SCYL3: variants seen among roughly 807,000 people sequenced by gnomAD.
The protein encoded by SCYL3 is SCY1 like pseudokinase 3.
In SCYL3, 35 loss-of-function variants were observed where a neutral mutation model predicts 73.8. The ratio of observed to expected loss-of-function variants is 0.47; its 90% CI spans 0.36 to 0.63. The LOEUF (loss-of-function observed/expected upper bound fraction) is 0.63, where lower values mean the gene tolerates loss of function less well. Ranked by LOEUF, SCYL3 falls within the 20% of genes least tolerant of loss-of-function variation. The pLI is 0.00. For missense variants in SCYL3, 712 were observed against 798.9 expected (o/e 0.89, Z 1.31); for synonymous variants, 277 against 295.2 (o/e 0.94, Z 0.63).
chr1:169,873,902 T>C (rs1202153490), intron 4 of SCYL3, 150 bp from the exon 5 acceptor site: 6 of 591,398 alleles, frequency 1.0e-5, no homozygotes, highest in Non-Finnish European at 1.5e-5. Flanking sequence ...AAATTTAAAA[T>C]GCTTCTAATT....
chr1:169,862,584 A>G (rs1010223442), intron 10 of SCYL3, 29 bp downstream of exon 10: 4 of 1,611,844 alleles, frequency 2.5e-6, no homozygotes, highest in Non-Finnish European at 3.4e-6. Flanking sequence ...AGGTTCTGTG[A>G]CTACCCCACT....
At position 169,851,987 on chromosome 1, in the gene SCYL3, C is replaced by T; in HGVS notation, c.*1726G>A. Reference sequence around the variant, plus strand: ...AAACTTTAACAAGGCAAATTCTGCCCTTTTTACTTACTGACGAAACAAACC... The same window carrying T: ...AAACTTTAACAAGGCAAATTCTGCCTTTTTTACTTACTGACGAAACAAACC... On this transcript the variant is annotated 3_prime_UTR_variant, in exon 13 of 13. Coordinates refer to ENST00000367771, the MANE Select transcript of SCYL3 (RefSeq NM_020423.7). 1 of 1,612,906 alleles carries T rather than the reference C, an allele frequency of 6.2e-7. No individual in the cohort carries two copies. The highest frequency in any genetic ancestry group is 1.1e-5 in the South Asian group (1 of 90,924).
Position 169,873,762 on chromosome 1 carries a change from G to A in SCYL3, c.466-10C>T, listed in dbSNP as rs1571424332. On this transcript the variant is annotated splice_polypyrimidine_tract_variant and intron_variant, in intron 4 of 12. Transcript: ENST00000367771. ...GAATACTCCTCAGAAACTAGACAGA[G>A]AAATAAATTAAAGAAAATGATTCAT... 6.3e-7 allele frequency: 1 copy of A among 1,586,880 alleles called. No homozygotes were observed. The highest frequency in any genetic ancestry group is 8.6e-7 in the Non-Finnish European group (1 of 1,157,154).
intron 6 of SCYL3, among the ~76,000 whole-genome samples, chr1:169,870,054 A>C (rs1236846815): frequency 6.6e-6 from 1 of 152,210 alleles, no homozygotes; most frequent in African/African-American, 2.4e-5. Context: ...TTCCTACTTA[A>C]AATTCTTTTC....
At chr1:169,869,945 G>A (rs573006096) in intron 6 of SCYL3, among the ~76,000 whole-genome samples, 24 of 152,086 alleles carry the variant, frequency 1.6e-4, no homozygotes, top group Admixed American at 3.9e-4. Context: ...CTTATTGGCC[G>A]GTTCAATAAG....
chr1:169,886,473 G>T (rs1325470694), intron 2 of SCYL3, among the ~76,000 whole-genome samples: 2 of 152,092 alleles, frequency 1.3e-5, no homozygotes, highest in East Asian at 3.9e-4. Context: ...ATTCATTATG[G>T]GGAAGAGCAT....
intron 11 of SCYL3, 129 bp downstream of exon 11, chr1:169,858,912 G>C: frequency 8.0e-6 from 6 of 754,204 alleles, no homozygotes; most frequent in East Asian, 3.2e-5. Context: ...AGTTCAGAAA[G>C]AGAAATTAAC....
At position 169,850,427 on chromosome 1, in the gene SCYL3, T is replaced by G. The variant is rs1657978920; in HGVS notation, c.*3286A>C. On this transcript the variant is annotated 3_prime_UTR_variant, in exon 13 of 13. Coordinates refer to ENST00000367771, the MANE Select transcript of SCYL3 (RefSeq NM_020423.7). ...ATTATGTAACTGTAACCAACCTGAG[T>G]GTCTTCTTAGCTTAAACTTTTCACA... 1.1e-6 allele frequency: 1 copy of G among 914,228 alleles called. No homozygotes were observed. Among genetic ancestry groups the G allele is most frequent in the Non-Finnish European group, 1.7e-6 (1 of 582,828 alleles). The allele number at this position is 914,228 out of a possible 1,614,324, so 56.6% of individuals were successfully genotyped here. A position where few individuals can be genotyped will look rare whatever the true frequency, so the allele number is the denominator to read the frequency against.
chr1:169,882,082 G>C (rs1228819542), intron 2 of SCYL3, among the ~76,000 whole-genome samples: 1 of 152,190 alleles, frequency 6.6e-6, no homozygotes, highest in African/African-American at 2.4e-5. Context: ...GCCGGAGCCG[G>C]TTCCCTCAGC....
chr1:169,853,995 A>G, intron 12 of SCYL3: 2 of 612,810 alleles, frequency 3.3e-6, no homozygotes, highest in Non-Finnish European at 5.6e-6. Context: ...ATCCAGTAAA[A>G]ATCAGTGTGG....
intron 2 of SCYL3, among the ~76,000 whole-genome samples, chr1:169,884,087 T>A (rs1350391777): frequency 2.6e-5 from 4 of 152,102 alleles, no homozygotes; most frequent in African/African-American, 9.7e-5. Context: ...TCCAATAGGG[T>A]TTATTTATTT....
At chr1:169,854,222 G>T in intron 12 of SCYL3, 48 bp downstream of exon 12, 1 of 1,420,792 alleles carries the variant, frequency 7.0e-7, no homozygotes, top group Non-Finnish European at 9.5e-7. Flanking sequence ...GGACCTATGA[G>T]GGAAATCCTA....
At chr1:169,889,712 G>T (rs906343102) in intron 1 of SCYL3, among the ~76,000 whole-genome samples, 3 of 152,232 alleles carry the variant, frequency 2.0e-5, no homozygotes, top group Non-Finnish European at 4.4e-5. Flanking sequence ...GGATTATCAT[G>T]ATGTATGAGG....
At chr1:169,866,006 T>G (rs1170434212) in intron 8 of SCYL3, among the ~76,000 whole-genome samples, 1 of 152,212 alleles carries the variant, frequency 6.6e-6, no homozygotes, top group Non-Finnish European at 1.5e-5. Flanking sequence ...GATAACACCC[T>G]AATATTTCCC....
rs1160034470 is a variant in SCYL3 at position 169,878,834 on chromosome 1, A to C, written c.166-15T>G. ...GTCTTCAAATGCTTTAAAAATACAAACCGAAGAGCTGAAGTTAATGACCCC... is the reference window on the plus strand; with the variant it reads ...GTCTTCAAATGCTTTAAAAATACAACCCGAAGAGCTGAAGTTAATGACCCC... On this transcript the variant is annotated splice_polypyrimidine_tract_variant and intron_variant, in intron 2 of 12. Transcript: ENST00000367771. The C allele has an allele frequency of 1.3e-6, 2 of 1,596,552 alleles. No homozygotes were observed. The highest frequency in any genetic ancestry group is 1.7e-6 in the Non-Finnish European group (2 of 1,172,366).
intron 11 of SCYL3, among the ~76,000 whole-genome samples, chr1:169,857,314 G>A (rs1257461369): frequency 6.6e-6 from 1 of 152,188 alleles, no homozygotes; most frequent in Non-Finnish European, 1.5e-5. Context: ...GGATGCTCAA[G>A]TCTCTTAAAG....
chr1:169,876,227 A>T, intron 3 of SCYL3, 136 bp from the exon 4 acceptor site: 1 of 477,920 alleles, frequency 2.1e-6, no homozygotes, highest in Non-Finnish European at 3.6e-6. Flanking sequence ...AAAAATTATG[A>T]CAAGCCTTCC....
intron 5 of SCYL3, among the ~76,000 whole-genome samples, chr1:169,871,017 T>C (rs749287348): frequency 1.3e-5 from 2 of 152,182 alleles, no homozygotes; most frequent in African/African-American, 4.8e-5. Context: ...TATTGGTAAA[T>C]AGAATTTTTC....
intron 6 of SCYL3, among the ~76,000 whole-genome samples, chr1:169,869,882 T>A (rs1306246253): frequency 2.6e-5 from 4 of 152,210 alleles, no homozygotes. Context: ...AAATTATGAA[T>A]TTTACCCTAT....
Sources: gnomAD v4.1 joint callset for allele counts (sites outside exome capture counted in the v4.1 genomes callset) on GRCh38, gnomAD v4.1.1 for gene constraint, MANE v1.5 for transcripts, NCBI Gene and HGNC (gene_info 2026-07-23, HGNC 2026-07-21) for gene names.